Variants in KCNIP4 observed in about 807,000 individuals in gnomAD.
KCNIP4 encodes the protein Kv channel-interacting protein 4.
A neutral mutation model predicts 34.0 loss-of-function variants in KCNIP4; 12 were observed. That is an observed-to-expected ratio of 0.35 (90% CI 0.23 to 0.57). The LOEUF is 0.57. Ranked by LOEUF, KCNIP4 falls within the 20% of genes least tolerant of loss-of-function variation. KCNIP4 has a pLI of 0.83. For missense variants in KCNIP4, 238 were observed against 311.7 expected (o/e 0.76, Z 1.78); for synonymous variants, 124 against 102.2 (o/e 1.21, Z -1.29).
chr4:21,249,916 A>G (rs1280137810), intron 1 of KCNIP4, among the ~76,000 whole-genome samples: 1 of 152,132 alleles, frequency 6.6e-6, no homozygotes, highest in Admixed American at 6.6e-5. Context: ...TATTCCATCC[A>G]AGCATAAAAG....
chr4:21,659,564 T>G (rs889483184), intron 1 of KCNIP4, among the ~76,000 whole-genome samples: 5 of 152,198 alleles, frequency 3.3e-5, no homozygotes, highest in Non-Finnish European at 7.4e-5. Flanking sequence ...ATACATTTTC[T>G]AAGCCACCAT....
intron 1 of KCNIP4, among the ~76,000 whole-genome samples, chr4:21,636,134 T>A (rs1199503494): frequency 3.3e-5 from 3 of 91,184 alleles, no homozygotes; most frequent in Admixed American, 1.5e-4. Context: ...CTCTGGGGAC[T>A]GTTGTGGGGT....
chr4:21,759,821 C>T (rs1474316762), intron 1 of KCNIP4, among the ~76,000 whole-genome samples: 4 of 152,028 alleles, frequency 2.6e-5, no homozygotes, highest in Non-Finnish European at 4.4e-5. Flanking sequence ...TATTAAATTC[C>T]TGTCTAAACA....
chr4:21,029,189 G>T (rs773967304), intron 1 of KCNIP4, among the ~76,000 whole-genome samples: 8 of 152,142 alleles, frequency 5.3e-5, no homozygotes, highest in Non-Finnish European at 1.0e-4. Flanking sequence ...TTCTTTCTAA[G>T]ATGAGGGTAA....
In KCNIP4 at chr4:21,111,604, C is replaced by A. The variant is rs575394407; in HGVS notation, c.62-228895G>T. ...TCTCAGTTTCCCAAACTCAGCGTGG[C>A]ACTAGAAAAATTCAGTGATGCCCCA... On this transcript the variant is annotated intron_variant, in intron 1 of 8. Coordinates refer to ENST00000382152, the MANE Select transcript of KCNIP4 (RefSeq NM_025221.6). 2.6e-5 allele frequency among the ~76,000 whole-genome samples: 4 copies of A among 152,280 alleles called. No homozygotes were observed. The South Asian group carries it at 8.3e-4, about 32-fold the overall frequency.
At chr4:21,849,838 T>C (rs1724263280) in intron 1 of KCNIP4, 1 of 152,004 alleles carries the variant, frequency 6.6e-6, no homozygotes, top group African/African-American at 2.4e-5. Flanking sequence ...TTTTGATAAA[T>C]GTGTGTGTGT....
At position 21,715,050 on chromosome 4, in the gene KCNIP4, T is replaced by C. The variant is rs1225042391; in HGVS notation, c.61+233521A>G. ...TTTTATTTTATTTTATTTTATTTTATTTTATTTTATTTTATTTTATTTTAT... is the reference window on the plus strand; with the variant it reads ...TTTTATTTTATTTTATTTTATTTTACTTTATTTTATTTTATTTTATTTTAT... On this transcript the variant is annotated intron_variant, in intron 1 of 8. Transcript: ENST00000382152. 1.0e-4 allele frequency among the ~76,000 whole-genome samples: 2 copies of C among 19,352 alleles called. 1 individual carries two copies. The highest frequency in any genetic ancestry group is 1.4e-4 in the Non-Finnish European group (2 of 14,482). 12.7% of individuals were successfully genotyped at this position (19,352 alleles called of 152,430 possible).
chr4:21,875,520 C>T (rs188452702), intron 1 of KCNIP4, among the ~76,000 whole-genome samples: 1 of 152,268 alleles, frequency 6.6e-6, no homozygotes, highest in East Asian at 1.9e-4. Context: ...TTGTATTAGG[C>T]ATTTCTATAC....
At position 21,735,849 on chromosome 4, in the gene KCNIP4, T is replaced by G. The variant is rs1560675825; in HGVS notation, c.61+212722A>C. On this transcript the variant is annotated intron_variant, in intron 1 of 8. Transcript: ENST00000382152. ...AACCTCTACTCTTACGTCTTCCAAA[T>G]GTGACCATTTGCTATCATATCATAT... Among the ~76,000 whole-genome samples, 4 of 152,338 alleles carry G rather than the reference T, an allele frequency of 2.6e-5. 1 individual carries two copies. The South Asian group carries it at 6.2e-4, about 24-fold the overall frequency.
chr4:20,956,212 T>A (rs1317746415), intron 1 of KCNIP4, among the ~76,000 whole-genome samples: 1 of 152,226 alleles, frequency 6.6e-6, no homozygotes, highest in East Asian at 1.9e-4. Flanking sequence ...TTCACCTCTG[T>A]AAGAAATCAG....
At chr4:20,951,490 T>C (rs942160861) in intron 1 of KCNIP4, among the ~76,000 whole-genome samples, 2 of 152,190 alleles carry the variant, frequency 1.3e-5, no homozygotes, top group African/African-American at 2.4e-5. Context: ...AAGTAAAAGA[T>C]ATTTTTTAAG....
intron 1 of KCNIP4, among the ~76,000 whole-genome samples, chr4:21,554,947 T>C (rs1738877613): frequency 6.6e-6 from 1 of 152,296 alleles, no homozygotes; most frequent in African/African-American, 2.4e-5. Flanking sequence ...TTGCCTGGGT[T>C]TATATATTCT....
chr4:20,836,202 T>G (rs1719022312), intron 3 of KCNIP4, among the ~76,000 whole-genome samples: 1 of 152,236 alleles, frequency 6.6e-6, no homozygotes, highest in Admixed American at 6.5e-5. Context: ...CTGGCTGGTC[T>G]CATCTTATAT....
At chr4:20,794,082 C>T (rs959873412) in intron 3 of KCNIP4, among the ~76,000 whole-genome samples, 4 of 152,164 alleles carry the variant, frequency 2.6e-5, no homozygotes, top group East Asian at 3.9e-4. Context: ...CCATGTAAGA[C>T]GTAACTTGCT....
At chr4:21,834,988 G>A (rs1258015229) in intron 1 of KCNIP4, among the ~76,000 whole-genome samples, 3 of 151,930 alleles carry the variant, frequency 2.0e-5, no homozygotes, top group African/African-American at 2.4e-5. Context: ...TGCTGGATTC[G>A]ATTTGCCAGT....
chr4:20,729,709 T>G lies in KCNIP4; in HGVS notation c.*373A>C, dbSNP rs12640448. The G allele has an allele frequency of 6.0e-6, 1 of 167,604 alleles. No individual in the cohort carries two copies. Among genetic ancestry groups the G allele is most frequent in the African/African-American group, 2.4e-5 (1 of 42,082 alleles). 10.4% of individuals were successfully genotyped at this position (167,604 alleles called of 1,614,324 possible). On this transcript the variant is annotated 3_prime_UTR_variant, in exon 9 of 9. Coordinates refer to ENST00000382152, the MANE Select transcript of KCNIP4 (RefSeq NM_025221.6). ...CACTATATTAGAAAACCATTCAAAA[T>G]CCTAGGACTGAATACATACAAATGA...
At chr4:21,798,426 T>TATATATATATA (rs55661046) in intron 1 of KCNIP4, among the ~76,000 whole-genome samples, 32 of 143,264 alleles carry the variant, frequency 2.2e-4, no homozygotes, top group South Asian at 4.4e-4. Context: ...TATATATATA[T>TATATATATATA]TTGCTGGGTG....
intron 1 of KCNIP4, among the ~76,000 whole-genome samples, chr4:21,106,079 T>C (rs1035183019): frequency 3.3e-5 from 5 of 151,564 alleles, no homozygotes; most frequent in Non-Finnish European, 7.3e-5. Flanking sequence ...TGTCTCTGCC[T>C]GGCTTTGGTA....
At chr4:21,306,532 G>C (rs756240295) in intron 1 of KCNIP4, among the ~76,000 whole-genome samples, 1 of 152,084 alleles carries the variant, frequency 6.6e-6, no homozygotes, top group South Asian at 2.1e-4. Flanking sequence ...ATGGGCTACC[G>C]CAACTGGCTG....
Sources: gnomAD v4.1 joint callset for allele counts (sites outside exome capture counted in the v4.1 genomes callset) on GRCh38, gnomAD v4.1.1 for gene constraint, MANE v1.5 for transcripts, NCBI Gene and HGNC (gene_info 2026-07-23, HGNC 2026-07-21) for gene names.